Variants in PTPRD observed in about 807,000 individuals in gnomAD.
The protein encoded by PTPRD is protein tyrosine phosphatase receptor type D, also known as receptor-type tyrosine-protein phosphatase delta.
In PTPRD, 34 loss-of-function variants were observed where a neutral mutation model predicts 214.5. That is an observed-to-expected ratio of 0.16 (90% CI 0.12 to 0.21). PTPRD has a LOEUF of 0.21. PTPRD is among the 10% of genes least tolerant of loss of function. The pLI, the probability that PTPRD is intolerant of heterozygous loss-of-function variation, is 1.00. For missense variants in PTPRD, 2,545 were observed against 2,398.7 expected, an observed-to-expected ratio of 1.06 and a Z score of -1.27; for synonymous variants, 1,128 against 845.7, an observed-to-expected ratio of 1.33 and a Z score of -5.79.
intron 11 of PTPRD, among the ~76,000 whole-genome samples, chr9:8,835,025 C>T (rs571877666): frequency 6.6e-6 from 1 of 152,266 alleles, no homozygotes; most frequent in South Asian, 2.1e-4. Flanking sequence ...GAAAAGAGTA[C>T]CCACCATCTG....
chr9:9,415,108 G>C (rs1220735910), intron 8 of PTPRD, among the ~76,000 whole-genome samples: 1 of 152,138 alleles, frequency 6.6e-6, no homozygotes, highest in Non-Finnish European at 1.5e-5. Context: ...GTCTTGCTCA[G>C]ATAGCAATAA....
chr9:9,621,726 G>A (rs576308441), intron 7 of PTPRD, among the ~76,000 whole-genome samples: 12 of 152,330 alleles, frequency 7.9e-5, no homozygotes, highest in Non-Finnish European at 1.5e-4. Context: ...TAGTTAAAGT[G>A]TGAAGTGGAG....
intron 12 of PTPRD, among the ~76,000 whole-genome samples, chr9:8,692,711 A>G (rs2097833910): frequency 6.6e-6 from 1 of 152,200 alleles, no homozygotes; most frequent in African/African-American, 2.4e-5. Flanking sequence ...ATGATATGGC[A>G]CACTGACCTA....
intron 27 of PTPRD, among the ~76,000 whole-genome samples, chr9:8,492,397 C>G (rs1400916901): frequency 2.0e-5 from 3 of 152,180 alleles, no homozygotes; most frequent in African/African-American, 7.2e-5. Flanking sequence ...TCTACCAGAA[C>G]TTCTCAGCCC....
At chr9:8,967,133 A>T (rs1434983694) in intron 11 of PTPRD, among the ~76,000 whole-genome samples, 2 of 144,454 alleles carry the variant, frequency 1.4e-5, no homozygotes, top group Non-Finnish European at 3.1e-5. Context: ...TTATTAAAGT[A>T]AAAAAAAAAA....
chr9:8,965,915 G>A (rs1589010672), intron 11 of PTPRD, among the ~76,000 whole-genome samples: 2 of 152,066 alleles, frequency 1.3e-5, no homozygotes, highest in African/African-American at 4.8e-5. Flanking sequence ...AAGACTATGA[G>A]AACTGATAAA....
intron 43 of PTPRD, among the ~76,000 whole-genome samples, chr9:8,333,781 C>CCATCAGTGTGCTGTATTCAGGAGACA (rs1843836402): frequency 6.6e-6 from 1 of 151,258 alleles, no homozygotes; most frequent in Non-Finnish European, 1.5e-5. Flanking sequence ...GAGTAAAGAC[C>CCATCAGTGTGCTGTATTCAGGAGACA]CATCTCACAC....
At chr9:8,342,539 G>A (rs990437827) in intron 39 of PTPRD, among the ~76,000 whole-genome samples, 2 of 151,982 alleles carry the variant, frequency 1.3e-5, no homozygotes, top group Non-Finnish European at 2.9e-5. Flanking sequence ...CTGATCATGC[G>A]GGTTTATCAG....
At chr9:9,332,602 G>A (rs1196838093) in intron 9 of PTPRD, among the ~76,000 whole-genome samples, 3 of 150,552 alleles carry the variant, frequency 2.0e-5, no homozygotes, top group Admixed American at 2.0e-4. Flanking sequence ...CCTCTATACT[G>A]AGCTTGGGAG....
intron 9 of PTPRD, among the ~76,000 whole-genome samples, chr9:9,225,462 T>C (rs1310544026): frequency 6.6e-6 from 1 of 151,948 alleles, no homozygotes; most frequent in African/African-American, 2.4e-5. Flanking sequence ...TCCTCACACC[T>C]CGGAGAAAAA....
intron 2 of PTPRD, among the ~76,000 whole-genome samples, chr9:10,378,594 A>G (rs181848263): frequency 1.3e-5 from 2 of 152,022 alleles, no homozygotes; most frequent in East Asian, 1.9e-4. Flanking sequence ...TCAGTATGTT[A>G]TTGGAACCTA....
At chr9:10,322,661 A>G (rs1010028409) in intron 3 of PTPRD, among the ~76,000 whole-genome samples, 2 of 152,112 alleles carry the variant, frequency 1.3e-5, no homozygotes, top group Non-Finnish European at 2.9e-5. Flanking sequence ...AAGCAAAAAT[A>G]TATTCAAAAA....
At chr9:8,677,682 G>A (rs892064598) in intron 12 of PTPRD, among the ~76,000 whole-genome samples, 4 of 152,148 alleles carry the variant, frequency 2.6e-5, no homozygotes, top group African/African-American at 9.7e-5. Context: ...TTTAAAAAAT[G>A]TGATAGCCAG....
intron 3 of PTPRD, among the ~76,000 whole-genome samples, chr9:10,181,603 C>G (rs1302726064): frequency 6.6e-6 from 1 of 151,598 alleles, no homozygotes; most frequent in Non-Finnish European, 1.5e-5. Context: ...AAATAGAGAA[C>G]TGATTCTGTC....
At position 10,046,990 on chromosome 9, in the gene PTPRD, A is replaced by G. The variant is rs1181625078; in HGVS notation, c.-544-13200T>C. On this transcript the variant is annotated intron_variant, in intron 3 of 45. Coordinates refer to ENST00000381196, the MANE Select transcript of PTPRD (RefSeq NM_002839.4). Reference sequence around the variant, plus strand: ...GATCAAATATGCATGGAAATTGTATATTCAATTTTAAATGCCAAGGACATT... The same window carrying G: ...GATCAAATATGCATGGAAATTGTATGTTCAATTTTAAATGCCAAGGACATT... 2.6e-5 allele frequency among the ~76,000 whole-genome samples: 4 copies of G among 151,982 alleles called. No individual in the cohort carries two copies. In the South Asian group the frequency reaches 6.2e-4, roughly 24 times the overall value.
intron 12 of PTPRD, among the ~76,000 whole-genome samples, chr9:8,694,687 A>C (rs895365579): frequency 3.3e-5 from 5 of 152,354 alleles, no homozygotes. Context: ...CAAAATTCAC[A>C]AATTCAATTC....
At chr9:9,506,412 G>T (rs1402728524) in intron 8 of PTPRD, among the ~76,000 whole-genome samples, 1 of 151,326 alleles carries the variant, frequency 6.6e-6, no homozygotes, top group Non-Finnish European at 1.5e-5. Context: ...TTACTTCTTG[G>T]AGATTAGTTC....
intron 12 of PTPRD, among the ~76,000 whole-genome samples, chr9:8,683,456 T>C (rs2097594310): frequency 6.6e-6 from 1 of 152,134 alleles, no homozygotes; most frequent in South Asian, 2.1e-4. Flanking sequence ...CATCAGTTGT[T>C]TGCAAACAGT....
chr9:8,584,480 T>A (rs10977216), intron 14 of PTPRD, among the ~76,000 whole-genome samples: 3,521 of 152,162 alleles, frequency 0.023, 104 homozygotes, highest in East Asian at 0.14. Flanking sequence ...CATTCTTCTC[T>A]ATTATGTTTT....
Sources: gnomAD v4.1 joint callset for allele counts (sites outside exome capture counted in the v4.1 genomes callset) on GRCh38, gnomAD v4.1.1 for gene constraint, MANE v1.5 for transcripts, NCBI Gene and HGNC (gene_info 2026-07-23, HGNC 2026-07-21) for gene names.